The following RYR2 variants were observed in gnomAD, a reference collection of about 807,000 sequenced individuals.
The protein encoded by RYR2 is ryanodine receptor 2, also known as cardiac muscle ryanodine receptor-calcium release channel.
In RYR2, 227 loss-of-function variants were observed where a neutral mutation model predicts 601.1. The observed-to-expected ratio is 0.38, with a 90% CI of 0.34 to 0.42. RYR2 has a LOEUF of 0.42. Among genes scored for constraint, RYR2 ranks in the 10% least tolerant of loss-of-function variants. The pLI is 1.00. For missense variants in RYR2, 4,646 were observed against 6,156.5 expected, an observed-to-expected ratio of 0.75 and a Z score of 8.21; for synonymous variants, 2,223 against 2,175.1, an observed-to-expected ratio of 1.02 and a Z score of -0.61.
intron 1 of RYR2, among the ~76,000 whole-genome samples, chr1:237,194,194 C>G (rs1680307036): frequency 1.3e-5 from 2 of 152,280 alleles, no homozygotes. Context: ...ATTTTGAGTT[C>G]CTTGGCTTCT....
chr1:237,500,908 G>T lies in RYR2; in HGVS notation c.2396+5G>T, dbSNP rs1334813570. The T allele has an allele frequency of 6.2e-7, 1 of 1,613,322 alleles. No individual in the cohort carries two copies. Among genetic ancestry groups the T allele is most frequent in the Non-Finnish European group, 8.5e-7 (1 of 1,179,390 alleles). On this transcript the variant is annotated splice_donor_5th_base_variant and intron_variant, in intron 21 of 104. Coordinates refer to ENST00000366574, the MANE Select transcript of RYR2 (RefSeq NM_001035.3). ...TAGTTTCTCTGCAGGAATAAAGTTA[G>T]TATGTCTATGTTTTTTGGTCTCTTT...
chr1:237,616,677 T>C (rs548985503), intron 37 of RYR2, among the ~76,000 whole-genome samples: 1 of 152,278 alleles, frequency 6.6e-6, no homozygotes, highest in South Asian at 2.1e-4. Flanking sequence ...CATTGGCCAT[T>C]GCACCTGTGG....
chr1:237,206,180 G>C lies in RYR2; in HGVS notation c.49-64317G>C, dbSNP rs551793913. Among the ~76,000 whole-genome samples, 24 of 152,266 alleles carry C rather than the reference G, an allele frequency of 1.6e-4. 1 individual carries two copies. In the East Asian group the frequency reaches 4.1e-3, roughly 26 times the overall value. On this transcript the variant is annotated intron_variant, in intron 1 of 104. Transcript: ENST00000366574. ...CAGCCACAGTCTGCAGGGCCTGGAAGTACCAGGGGGACCGTGAGCCACTAG... is the reference window on the plus strand; with the variant it reads ...CAGCCACAGTCTGCAGGGCCTGGAACTACCAGGGGGACCGTGAGCCACTAG...
intron 2 of RYR2, among the ~76,000 whole-genome samples, chr1:237,296,558 A>G (rs1211675084): frequency 4.1e-4 from 62 of 152,330 alleles, no homozygotes; most frequent in Non-Finnish European, 8.8e-5. Flanking sequence ...AGACTTATTA[A>G]GAGTCCTGTT....
chr1:237,148,148 C>T (rs938016421), intron 1 of RYR2, among the ~76,000 whole-genome samples: 5 of 152,132 alleles, frequency 3.3e-5, no homozygotes, highest in African/African-American at 7.2e-5. Flanking sequence ...TGTTCAGGGT[C>T]TCATCAAGTC....
At chr1:237,541,268 T>C (rs1435226440) in intron 25 of RYR2, among the ~76,000 whole-genome samples, 1 of 152,206 alleles carries the variant, frequency 6.6e-6, no homozygotes, top group Non-Finnish European at 1.5e-5. Flanking sequence ...CAATGAGCCT[T>C]GTAGCCAGAA....
intron 84 of RYR2, among the ~76,000 whole-genome samples, chr1:237,762,069 C>T (rs1236058527): frequency 1.3e-5 from 2 of 152,138 alleles, no homozygotes; most frequent in East Asian, 3.8e-4. Flanking sequence ...GACATTGCTA[C>T]CACTATGTGG....
intron 101 of RYR2, among the ~76,000 whole-genome samples, chr1:237,822,128 C>T (rs925123887): frequency 6.6e-6 from 1 of 152,098 alleles, no homozygotes; most frequent in South Asian, 2.1e-4. Context: ...AGAACTTCCC[C>T]AACCTAGCAA....
At chr1:237,449,645 A>G (rs1251531140) in intron 14 of RYR2, among the ~76,000 whole-genome samples, 1 of 151,454 alleles carries the variant, frequency 6.6e-6, no homozygotes, top group East Asian at 1.9e-4. Context: ...AACATTTCTT[A>G]TCATGCAAGT....
chr1:237,667,382 A>G (rs1684421884), intron 57 of RYR2, among the ~76,000 whole-genome samples: 1 of 152,224 alleles, frequency 6.6e-6, no homozygotes. Flanking sequence ...AATCAAATGT[A>G]GAAAGAATCC....
At position 237,643,336 on chromosome 1, in the gene RYR2, G is replaced by T; in HGVS notation, c.7231G>T (p.Ala2411Ser). The change falls in exon 48 of 105, where the codon GCC becomes TCC. Residue 2411 changes from alanine to serine, a missense_variant. Physicochemically the swap from Ala to Ser is moderately conservative, Grantham distance 99. This residue lies in a region of RYR2 where 1,497 missense variants were observed against 1,842.6 expected (regional missense o/e 0.81). Coordinates refer to ENST00000366574, the MANE Select transcript of RYR2 (RefSeq NM_001035.3). ...RCAPEMHLIHAGKGEAIRIRS... is the reference protein window; with the variant it reads ...RCAPEMHLIHSGKGEAIRIRS... ...TTTTTCCCCTGTATAGTTGATTCAT[G>T]CCGGGAAGGGAGAAGCCATCAGAAT... is the stretch of plus-strand genomic sequence containing the variant. The T allele has an allele frequency of 6.2e-7, 1 of 1,613,362 alleles. No homozygotes were observed. The highest frequency in any genetic ancestry group is 1.7e-5 in the Admixed American group (1 of 59,998).
intron 1 of RYR2, among the ~76,000 whole-genome samples, chr1:237,066,653 TTTC>T (rs1663660941): frequency 2.6e-5 from 4 of 151,966 alleles, no homozygotes; most frequent in Non-Finnish European, 4.4e-5. Flanking sequence ...TTTTTTTTTT[TTTC>T]TTCGAGACGG....
chr1:237,559,314 A>G (rs749342864), intron 27 of RYR2, among the ~76,000 whole-genome samples: 6 of 152,148 alleles, frequency 3.9e-5, no homozygotes, highest in Non-Finnish European at 8.8e-5. Context: ...ATTCTATGGC[A>G]TATTGAAAAC....
intron 1 of RYR2, among the ~76,000 whole-genome samples, chr1:237,143,008 A>C (rs796883363): frequency 1.3e-5 from 2 of 152,286 alleles, no homozygotes; most frequent in South Asian, 4.1e-4. Flanking sequence ...TCTTCCTTGA[A>C]AAAAGAAGGT....
intron 1 of RYR2, among the ~76,000 whole-genome samples, chr1:237,262,272 T>TTTTTTTTTTTTTTTTTG (rs869098916): frequency 7.7e-6 from 1 of 129,532 alleles, no homozygotes. Flanking sequence ...TTTTTTTTTT[T>TTTTTTTTTTTTTTTTTG]ATGATGGAGT....
At chr1:237,253,151 G>A (rs1299835313) in intron 1 of RYR2, among the ~76,000 whole-genome samples, 2 of 129,486 alleles carry the variant, frequency 1.5e-5, no homozygotes, top group African/African-American at 2.9e-5. Context: ...GCAACAGAGC[G>A]AGACTCCGTC....
chr1:237,731,980 G>A, intron 77 of RYR2, 66 bp from the exon 78 acceptor site: 2 of 990,598 alleles, frequency 2.0e-6, no homozygotes, highest in Admixed American at 1.9e-5. Flanking sequence ...GTCCTTCACA[G>A]TGCTTTTGGA....
chr1:237,686,803 C>G (rs960312022), intron 62 of RYR2, among the ~76,000 whole-genome samples: 13 of 152,234 alleles, frequency 8.5e-5, no homozygotes, highest in African/African-American at 3.1e-4. Context: ...ATATACTGAA[C>G]TTATAGGTAT....
At chr1:237,656,024 T>A in intron 53 of RYR2, 40 bp downstream of exon 53, 2 of 1,596,640 alleles carry the variant, frequency 1.3e-6, no homozygotes, top group Non-Finnish European at 1.7e-6. Flanking sequence ...TTATTGTAAA[T>A]GATGTGTGAA....
Sources: allele counts gnomAD v4.1 joint callset (sites outside exome capture counted in the v4.1 genomes callset), GRCh38; gene constraint gnomAD v4.1.1; regional missense constraint gnomAD v4.1.1; transcripts MANE v1.5; gene names NCBI Gene and HGNC (gene_info 2026-07-23, HGNC 2026-07-21).